The following CUX2 variants were observed in gnomAD, a reference collection of about 807,000 sequenced individuals.
CUX2 encodes the protein cut like homeobox 2, also known as homeobox protein cut-like 2.
In CUX2, 40 loss-of-function variants were observed where a neutral mutation model predicts 144.8. The observed-to-expected ratio is 0.28, with a 90% CI of 0.21 to 0.36. The LOEUF is 0.36. Among genes scored for constraint, CUX2 ranks in the 10% least tolerant of loss-of-function variants. The probability of loss-of-function intolerance (pLI) is 1.00; values close to 1 mark genes in which losing one functional copy is unlikely to be tolerated. For missense variants in CUX2, 1,615 were observed against 1,994.0 expected, an observed-to-expected ratio of 0.81 and a Z score of 3.62; for synonymous variants, 827 against 875.6, an observed-to-expected ratio of 0.94 and a Z score of 0.98.
intron 1 of CUX2, among the ~76,000 whole-genome samples, chr12:111,052,127 AC>A (rs932590075): frequency 1.5e-4 from 23 of 152,030 alleles, no homozygotes; most frequent in African/African-American, 5.5e-4. Context: ...CCCATGGGTG[AC>A]CTGCTCTCTC....
intron 1 of CUX2, among the ~76,000 whole-genome samples, chr12:111,203,544 C>CAAA (rs771280007): frequency 2.4e-5 from 2 of 84,706 alleles, no homozygotes; most frequent in African/African-American, 4.5e-5. Flanking sequence ...GACTCTCTCT[C>CAAA]AAAAAAAAAA....
chr12:111,110,213 G>T (rs1280334360), intron 1 of CUX2, among the ~76,000 whole-genome samples: 1 of 152,050 alleles, frequency 6.6e-6, no homozygotes, highest in East Asian at 1.9e-4. Context: ...GGTCAGAGAC[G>T]CCCATAGACA....
rs931511394 is a variant in CUX2, at chr12:111,039,691, C to G, written c.63+5451C>G. Among the ~76,000 whole-genome samples, 1 of 152,138 alleles carries G rather than the reference C, an allele frequency of 6.6e-6. No individual in the cohort carries two copies. Among genetic ancestry groups the G allele is most frequent in the Non-Finnish European group, 1.5e-5 (1 of 68,034 alleles). ...GAACTATAGGCGCATGCCACCACGC[C>G]TGGCTAATTTTTGTATTTTTAGTAG... On this transcript the variant is annotated intron_variant, in intron 1 of 21. Transcript: ENST00000261726. The surrounding 1 kb of genome is among the most constrained non-coding windows in gnomAD (Gnocchi z 4.2).
chr12:111,035,627 T>TTTC lies in CUX2; in HGVS notation c.63+1389_63+1390insCTT, dbSNP rs1394250199. On this transcript the variant is annotated intron_variant, in intron 1 of 21. Transcript: ENST00000261726. This position sits in a 1 kb window ranked among gnomAD's most constrained non-coding sequence, Gnocchi z 6.0. ...AAAGGGACCCACTTTTTTTTTTTTTTTTAATCCGCCGGCAAATCTCGTTAA... is the reference window on the plus strand; with the variant it reads ...AAAGGGACCCACTTTTTTTTTTTTTTTTCTTAATCCGCCGGCAAATCTCGTTAA... 5.7e-4 allele frequency among the ~76,000 whole-genome samples: 86 copies of TTTC among 151,134 alleles called. No homozygotes were observed. Among genetic ancestry groups the TTTC allele is most frequent in the Non-Finnish European group, 1.0e-3 (71 of 67,664 alleles).
intron 1 of CUX2, among the ~76,000 whole-genome samples, chr12:111,073,165 C>T (rs757508208): frequency 2.0e-5 from 3 of 150,580 alleles, no homozygotes; most frequent in African/African-American, 5.0e-5. Context: ...GAGGCTCCTT[C>T]GTATCCCTTC....
At chr12:111,278,790 C>A (rs1004126237) in intron 4 of CUX2, among the ~76,000 whole-genome samples, 4 of 152,172 alleles carry the variant, frequency 2.6e-5, no homozygotes, top group Non-Finnish European at 5.9e-5. Flanking sequence ...CAGCCAGTGA[C>A]ATTTAGCTGA....
chr12:111,342,956 CAAAAAA>C (rs11314694), intron 21 of CUX2, among the ~76,000 whole-genome samples: 2 of 68,470 alleles, frequency 2.9e-5, no homozygotes, highest in African/African-American at 5.7e-5. Context: ...GAGACTATCT[CAAAAAA>C]AAAAAAAAAA....
chr12:111,211,414 G>A (rs1881218992), intron 1 of CUX2, among the ~76,000 whole-genome samples: 1 of 152,166 alleles, frequency 6.6e-6, no homozygotes, highest in Non-Finnish European at 1.5e-5. Flanking sequence ...AGGTGCAGGT[G>A]GAGGGAGTCA....
chr12:111,338,984 G>A (rs1207567176), intron 20 of CUX2, among the ~76,000 whole-genome samples: 1 of 152,134 alleles, frequency 6.6e-6, no homozygotes, highest in Non-Finnish European at 1.5e-5. Context: ...TGTAATCTCA[G>A]CACTTTGGGA....
At chr12:111,158,064 C>T (rs1382492564) in intron 1 of CUX2, among the ~76,000 whole-genome samples, 6 of 152,196 alleles carry the variant, frequency 3.9e-5, no homozygotes, top group South Asian at 2.1e-4. Flanking sequence ...TCCACAGAGA[C>T]GCAATCAGGA....
intron 1 of CUX2, among the ~76,000 whole-genome samples, chr12:111,036,725 T>G (rs1275852754): frequency 6.7e-6 from 1 of 150,340 alleles, no homozygotes; most frequent in Non-Finnish European, 1.5e-5. Flanking sequence ...ACATCGATAT[T>G]AAGTGGAGGG....
chr12:111,228,311 A>G (rs1211225711), intron 3 of CUX2, among the ~76,000 whole-genome samples: 1 of 152,040 alleles, frequency 6.6e-6, no homozygotes, highest in African/African-American at 2.4e-5. Flanking sequence ...TATGCAGGGG[A>G]TTGGTTCCAG....
intron 3 of CUX2, among the ~76,000 whole-genome samples, chr12:111,228,527 G>A (rs777351818): frequency 1.3e-5 from 2 of 152,018 alleles, no homozygotes; most frequent in Non-Finnish European, 2.9e-5. Context: ...AGGTTAAAGC[G>A]ATTCTCCTGC....
Position 111,304,745 on chromosome 12 carries a change from G to A in CUX2, c.858+431G>A, listed in dbSNP as rs533990430. Among the ~76,000 whole-genome samples the A allele has an allele frequency of 3.2e-4, 49 of 152,174 alleles. No homozygotes were observed. Among genetic ancestry groups the A allele is most frequent in the Middle Eastern group, 3.2e-3 (1 of 316 alleles). On this transcript the variant is annotated intron_variant, in intron 10 of 21. Transcript: ENST00000261726. This position sits in a 1 kb window ranked among gnomAD's most constrained non-coding sequence, Gnocchi z 4.7. ...GCAGTTTTGGTGGCTGCCACCAGGT[G>A]TCGCTGTTGAACACCGGTCATAGCA...
chr12:111,090,988 G>A (rs1872523374), intron 1 of CUX2, among the ~76,000 whole-genome samples: 1 of 152,164 alleles, frequency 6.6e-6, no homozygotes, highest in Admixed American at 6.5e-5. Context: ...GCTTCTCCTT[G>A]ATCTTCTGGG....
intron 1 of CUX2, among the ~76,000 whole-genome samples, chr12:111,041,660 G>T (rs1457611534): frequency 6.6e-6 from 1 of 152,212 alleles, no homozygotes; most frequent in African/African-American, 2.4e-5. Flanking sequence ...TGGCCACTGT[G>T]GGCAGGTCCA....
At chr12:111,286,696 A>T (rs1199903657) in intron 4 of CUX2, among the ~76,000 whole-genome samples, 1 of 152,022 alleles carries the variant, frequency 6.6e-6, no homozygotes, top group Non-Finnish European at 1.5e-5. Flanking sequence ...AACATGATGA[A>T]ACCCCATCTC....
At chr12:111,043,669 C>T (rs1418743735) in intron 1 of CUX2, among the ~76,000 whole-genome samples, 2 of 152,134 alleles carry the variant, frequency 1.3e-5, no homozygotes, top group African/African-American at 4.8e-5. Flanking sequence ...AAGAATTAGC[C>T]AGGCGCGGTG....
Position 111,188,137 on chromosome 12 carries a change from T to C in CUX2, c.64-26063T>C, listed in dbSNP as rs114956031. 4.4e-3 allele frequency among the ~76,000 whole-genome samples: 668 copies of C among 152,386 alleles called. 4 individuals carry two copies. Among genetic ancestry groups the C allele is most frequent in the African/African-American group, 0.015 (620 of 41,592 alleles). The stretch of plus-strand genomic sequence containing the variant: ...TGCATCATTTGGCTCTCCAGGCCAC[T>C]TCTGGCCTTGTTCCTTCAGCAAGCA... On this transcript the variant is annotated intron_variant, in intron 1 of 21. Transcript: ENST00000261726.
Sources: allele counts gnomAD v4.1 joint callset (sites outside exome capture counted in the v4.1 genomes callset), GRCh38; gene constraint gnomAD v4.1.1; non-coding constraint Gnocchi (gnomAD v3.1); transcripts MANE v1.5; gene names NCBI Gene and HGNC (gene_info 2026-07-23, HGNC 2026-07-21).